SBF2: variants seen among roughly 807,000 people sequenced by gnomAD.
SBF2 encodes the protein myotubularin-related protein 13.
In SBF2, 112 loss-of-function variants were observed where a neutral mutation model predicts 225.2. The observed-to-expected ratio is 0.50, with a 90% CI of 0.43 to 0.58. The LOEUF is 0.58. Among genes scored for constraint, SBF2 ranks in the 20% least tolerant of loss-of-function variants. The probability of loss-of-function intolerance (pLI) is 0.00; values close to 1 mark genes in which losing one functional copy is unlikely to be tolerated. For missense variants in SBF2, 1,996 were observed against 2,206.2 expected, an observed-to-expected ratio of 0.90 and a Z score of 1.91; for synonymous variants, 763 against 773.3, an observed-to-expected ratio of 0.99 and a Z score of 0.22.
At chr11:10,075,419 T>C (rs1482265745) in intron 2 of SBF2, among the ~76,000 whole-genome samples, 2 of 152,166 alleles carry the variant, frequency 1.3e-5, no homozygotes, top group Non-Finnish European at 1.5e-5. Context: ...AAGAGAATAA[T>C]AGGTAGTTGA....
At chr11:9,974,665 A>T (rs1946596441) in intron 13 of SBF2, among the ~76,000 whole-genome samples, 2 of 151,616 alleles carry the variant, frequency 1.3e-5, no homozygotes, top group Admixed American at 1.3e-4. Flanking sequence ...CAAAAAAAAA[A>T]AAAAAAGAAA....
At chr11:9,985,212 C>T (rs1270668208) in intron 13 of SBF2, among the ~76,000 whole-genome samples, 1 of 152,172 alleles carries the variant, frequency 6.6e-6, no homozygotes, top group Admixed American at 6.5e-5. Flanking sequence ...GGAGACTCAC[C>T]TAACATACAT....
intron 2 of SBF2, among the ~76,000 whole-genome samples, chr11:10,175,560 A>T (rs1205164175): frequency 6.6e-6 from 1 of 151,650 alleles, no homozygotes; most frequent in Non-Finnish European, 1.5e-5. Context: ...CACAATAATA[A>T]TGGGAGACTT....
intron 2 of SBF2, among the ~76,000 whole-genome samples, chr11:10,125,128 T>G (rs11042637): frequency 7.9e-6 from 1 of 126,170 alleles, no homozygotes; most frequent in African/African-American, 3.0e-5. Flanking sequence ...AAAAAAAAAA[T>G]TCTACTTAGA....
chr11:10,128,661 A>C (rs1414077073), intron 2 of SBF2, among the ~76,000 whole-genome samples: 1 of 152,224 alleles, frequency 6.6e-6, no homozygotes, highest in East Asian at 1.9e-4. Context: ...CTACAGTACT[A>C]AACCTCAAGG....
At chr11:10,255,767 A>G (rs556230757) in intron 1 of SBF2, among the ~76,000 whole-genome samples, 1 of 152,344 alleles carries the variant, frequency 6.6e-6, no homozygotes, top group East Asian at 1.9e-4. Context: ...CAAATTATAG[A>G]AAGAAAATGG....
At chr11:10,179,803 A>G (rs1203164874) in intron 2 of SBF2, among the ~76,000 whole-genome samples, 1 of 151,700 alleles carries the variant, frequency 6.6e-6, no homozygotes, top group Non-Finnish European at 1.5e-5. Flanking sequence ...CCTTTTAGTG[A>G]AGGTAATTTT....
intron 1 of SBF2, among the ~76,000 whole-genome samples, chr11:10,276,380 G>A (rs1962960989): frequency 6.6e-6 from 1 of 152,142 alleles, no homozygotes; most frequent in Admixed American, 6.6e-5. Flanking sequence ...AATGTAAAGT[G>A]GTTGGCCTAG....
At position 9,877,056 on chromosome 11, in the gene SBF2, T is replaced by C. The variant is rs553251426; in HGVS notation, c.1930-18660A>G. Among the ~76,000 whole-genome samples the C allele has an allele frequency of 7.2e-5, 11 of 152,304 alleles. No homozygotes were observed. In the South Asian group the frequency reaches 2.3e-3, roughly 32 times the overall value. On this transcript the variant is annotated intron_variant, in intron 17 of 39. Coordinates refer to ENST00000256190, the MANE Select transcript of SBF2 (RefSeq NM_030962.4). ...GCCTGGCCTAGAACTTTGTTTATACTTCTTTAACAATTATTTCATTCTATT... is the reference window on the plus strand; with the variant it reads ...GCCTGGCCTAGAACTTTGTTTATACCTCTTTAACAATTATTTCATTCTATT...
chr11:10,196,833 CATAAATAT>C lies in SBF2; in HGVS notation c.56-2854_56-2847del, dbSNP rs1175133143. ...TATCCATTTATTCCTAGGTTTCTTG[CATAAATAT>C]ATATATATATATATATATATATATA... On this transcript the variant is annotated intron_variant, in intron 1 of 39. Transcript: ENST00000256190. Among the ~76,000 whole-genome samples, 119 of 96,048 alleles carry C rather than the reference CATAAATAT, an allele frequency of 1.2e-3. 1 individual carries two copies. Among genetic ancestry groups the C allele is most frequent in the African/African-American group, 3.4e-3 (90 of 26,528 alleles). 63.0% of individuals were successfully genotyped at this position (96,048 alleles called of 152,430 possible).
intron 1 of SBF2, among the ~76,000 whole-genome samples, chr11:10,257,290 A>G (rs17295786): frequency 0.13 from 19,195 of 152,160 alleles, 1,366 homozygotes; most frequent in African/African-American, 0.15. Context: ...AAATCTTCCA[A>G]TGTGCTCTAA....
At chr11:9,808,724 AG>A (rs1480695417) in intron 31 of SBF2, 176 bp downstream of exon 31, 14 of 538,038 alleles carry the variant, frequency 2.6e-5, no homozygotes, top group African/African-American at 2.5e-4. Flanking sequence ...CAGGCTGCGT[AG>A]GGGCTAAGAG....
At chr11:10,162,766 G>A (rs1277217277) in intron 2 of SBF2, among the ~76,000 whole-genome samples, 1 of 152,120 alleles carries the variant, frequency 6.6e-6, no homozygotes, top group African/African-American at 2.4e-5. Flanking sequence ...TTTAAATAGT[G>A]ATAGATGGAA....
At chr11:9,827,344 A>G (rs1452470548) in intron 28 of SBF2, among the ~76,000 whole-genome samples, 1 of 152,150 alleles carries the variant, frequency 6.6e-6, no homozygotes, top group Non-Finnish European at 1.5e-5. Flanking sequence ...CCTGGGCAAC[A>G]TAGTAAGACT....
chr11:9,861,095 G>A (rs1857697022), intron 17 of SBF2, among the ~76,000 whole-genome samples: 1 of 152,162 alleles, frequency 6.6e-6, no homozygotes, highest in Non-Finnish European at 1.5e-5. Flanking sequence ...CATATTTACT[G>A]GTTGAGCATT....
intron 2 of SBF2, among the ~76,000 whole-genome samples, chr11:10,044,919 G>A (rs1182485936): frequency 6.6e-6 from 1 of 151,998 alleles, no homozygotes; most frequent in Admixed American, 6.6e-5. Context: ...CCTGAGTGCT[G>A]GTTTCACTTT....
At chr11:10,032,972 A>T (rs952737460) in intron 3 of SBF2, among the ~76,000 whole-genome samples, 2 of 152,206 alleles carry the variant, frequency 1.3e-5, no homozygotes, top group Non-Finnish European at 1.5e-5. Flanking sequence ...AATATAACCA[A>T]GTATTAGATG....
At chr11:10,209,220 C>G (rs1298426533) in intron 1 of SBF2, among the ~76,000 whole-genome samples, 1 of 152,022 alleles carries the variant, frequency 6.6e-6, no homozygotes, top group Non-Finnish European at 1.5e-5. Context: ...AGGCCTTTCT[C>G]ATTACACAAA....
At chr11:10,254,963 A>G (rs1960743577) in intron 1 of SBF2, among the ~76,000 whole-genome samples, 1 of 150,190 alleles carries the variant, frequency 6.7e-6, no homozygotes, top group South Asian at 2.1e-4. Context: ...AAAAACATCA[A>G]TGAACCTGGA....
Sources: allele counts gnomAD v4.1 joint callset (sites outside exome capture counted in the v4.1 genomes callset), GRCh38; gene constraint gnomAD v4.1.1; transcripts MANE v1.5; gene names NCBI Gene and HGNC (gene_info 2026-07-23, HGNC 2026-07-21).